The following JAKMIP2 variants were observed in gnomAD, a reference collection of about 807,000 sequenced individuals.
The protein encoded by JAKMIP2 is janus kinase and microtubule-interacting protein 2.
Under a neutral mutation model 115.0 loss-of-function variants are expected in JAKMIP2, and 25 were observed. That is an observed-to-expected ratio of 0.22 (90% CI 0.16 to 0.30). JAKMIP2 has a LOEUF of 0.30. Among genes scored for constraint, JAKMIP2 ranks in the 10% least tolerant of loss-of-function variants. JAKMIP2 has a pLI of 1.00. For synonymous variants in JAKMIP2, 334 were observed against 343.6 expected (o/e 0.97, Z 0.31); for missense variants, 642 against 957.6 (o/e 0.67, Z 4.35).
At chr5:147,694,503 A>C (rs189934833) in intron 1 of JAKMIP2, among the ~76,000 whole-genome samples, 144 of 152,306 alleles carry the variant, frequency 9.5e-4, no homozygotes, top group Admixed American at 7.7e-3. Flanking sequence ...TACAGATCCT[A>C]TAATTGTCTA....
At position 147,649,914 on chromosome 5, in the gene JAKMIP2, A is replaced by T. The variant is rs186833934; in HGVS notation, c.837+424T>A. ...GACAATAAGTCTTCAGATGAAGATT[A>T]AAAATGGTTTTGTCTTTTATGCAGT... is the stretch of plus-strand genomic sequence containing the variant. On this transcript the variant is annotated intron_variant, in intron 4 of 21. Transcript: ENST00000616793. Among the ~76,000 whole-genome samples, 863 of 152,316 alleles carry T rather than the reference A, an allele frequency of 5.7e-3. 9 individuals carry two copies. The highest frequency in any genetic ancestry group is 7.6e-3 in the Non-Finnish European group (520 of 68,028).
chr5:147,691,829 G>A (rs937403942), intron 1 of JAKMIP2, among the ~76,000 whole-genome samples: 5 of 151,926 alleles, frequency 3.3e-5, no homozygotes, highest in South Asian at 2.1e-4. Context: ...GTTAAGCAGC[G>A]CCGTGGGTGA....
At chr5:147,604,281 T>A (rs1755878226) in intron 20 of JAKMIP2, among the ~76,000 whole-genome samples, 1 of 152,214 alleles carries the variant, frequency 6.6e-6, no homozygotes, top group Non-Finnish European at 1.5e-5. Context: ...ATACTTTGGG[T>A]CAGAAATTTT....
At chr5:147,592,236 G>A (rs995170829) in intron 21 of JAKMIP2, among the ~76,000 whole-genome samples, 1 of 152,108 alleles carries the variant, frequency 6.6e-6, no homozygotes, top group Non-Finnish European at 1.5e-5. Context: ...AGTATCTACT[G>A]TTTCTGCAAG....
chr5:147,662,342 C>A (rs1435676707), intron 2 of JAKMIP2, among the ~76,000 whole-genome samples: 1 of 152,128 alleles, frequency 6.6e-6, no homozygotes, highest in African/African-American at 2.4e-5. Flanking sequence ...GCCCCACAAG[C>A]CAACACTCCA....
rs1319877310 is a variant in JAKMIP2, at chr5:147,648,494, T to C, written c.838-20A>G. 2 of 1,345,872 alleles carry C rather than the reference T, an allele frequency of 1.5e-6. No homozygotes were observed. The highest frequency in any genetic ancestry group is 2.3e-5 in the East Asian group (1 of 43,570). 83.4% of individuals were successfully genotyped at this position (1,345,872 alleles called of 1,614,324 possible). A position where few individuals can be genotyped will look rare whatever the true frequency, so the allele number is the denominator to read the frequency against. The stretch of plus-strand genomic sequence containing the variant: ...CAAATCCTACAAAGAAAAATTAAAA[T>C]GGGTATTTCTTCAACAACACTTTTC... On this transcript the variant is annotated intron_variant, in intron 4 of 21. Coordinates refer to ENST00000616793, the MANE Select transcript of JAKMIP2 (RefSeq NM_001270941.2).
chr5:147,628,939 C>T (rs1581318211), intron 15 of JAKMIP2, 123 bp from the exon 16 acceptor site: 2 of 623,208 alleles, frequency 3.2e-6, no homozygotes, highest in East Asian at 5.5e-5. Flanking sequence ...TAACAAATTC[C>T]TATTCTGTTT....
chr5:147,632,435 G>C (rs1757406650), intron 13 of JAKMIP2, among the ~76,000 whole-genome samples: 1 of 152,136 alleles, frequency 6.6e-6, no homozygotes, highest in African/African-American at 2.4e-5. Context: ...AGATAGTAAT[G>C]TTGAAAAGCA....
chr5:147,589,066 A>G lies in JAKMIP2; in HGVS notation c.*2641T>C, dbSNP rs1356532817. The stretch of plus-strand genomic sequence containing the variant: ...TCAAGTTGGCTAGTGTTGGGTCACC[A>G]ACACTGTAGAGGCACCCTCTTTCAC... On this transcript the variant is annotated 3_prime_UTR_variant, in exon 22 of 22. Coordinates refer to ENST00000616793, the MANE Select transcript of JAKMIP2 (RefSeq NM_001270941.2). 1 of 152,096 alleles carries G rather than the reference A, an allele frequency of 6.6e-6. No homozygotes were observed. Among genetic ancestry groups the G allele is most frequent in the Non-Finnish European group, 1.5e-5 (1 of 68,032 alleles). 9.4% of individuals were successfully genotyped at this position (152,096 alleles called of 1,614,324 possible).
At position 147,661,074 on chromosome 5, in the gene JAKMIP2, G is replaced by T; in HGVS notation, c.501C>A (p.Asp167Glu). ...ADLKTAKKQV[D>E]EALSNMIQAD... The stretch of plus-strand genomic sequence containing the variant: ...CTTGGATCATATTGCTCAGAGCCTC[G>T]TCCACCTGCTTCTTGGCCGTTTTCA... Residue 167 changes from aspartate to glutamate, a missense_variant, in exon 3 of 22, where the codon GAC becomes GAA. Physicochemically the swap from Asp to Glu is conservative, Grantham distance 45. Coordinates refer to ENST00000616793, the MANE Select transcript of JAKMIP2 (RefSeq NM_001270941.2). 6.2e-7 allele frequency: 1 copy of T among 1,613,894 alleles called. No individual in the cohort carries two copies.
At position 147,632,850 on chromosome 5, in the gene JAKMIP2, G is replaced by A. The variant is rs565201576; in HGVS notation, c.1678-72C>T. 7.1e-5 allele frequency: 65 copies of A among 917,580 alleles called. No homozygotes were observed. The African/African-American group carries it at 1.0e-3, about 14-fold the overall frequency. 56.8% of individuals were successfully genotyped at this position (917,580 alleles called of 1,614,324 possible). A position where few individuals can be genotyped will look rare whatever the true frequency, so the allele number is the denominator to read the frequency against. Reference sequence around the variant, plus strand: ...TACAACTTTGCAAAGCATGAATAGTGTTCAGTTTACTCAGTGAATAAGTCT... The same window carrying A: ...TACAACTTTGCAAAGCATGAATAGTATTCAGTTTACTCAGTGAATAAGTCT... On this transcript the variant is annotated intron_variant, in intron 12 of 21. Coordinates refer to ENST00000616793, the MANE Select transcript of JAKMIP2 (RefSeq NM_001270941.2).
intron 1 of JAKMIP2, among the ~76,000 whole-genome samples, chr5:147,745,305 A>G (rs1362426701): frequency 6.6e-5 from 10 of 152,220 alleles, no homozygotes; most frequent in Non-Finnish European, 1.3e-4. Context: ...AATAATTTGG[A>G]GAACTCAAGA....
chr5:147,600,420 A>G (rs919283333), intron 21 of JAKMIP2, among the ~76,000 whole-genome samples: 5 of 152,114 alleles, frequency 3.3e-5, no homozygotes, highest in African/African-American at 9.7e-5. Context: ...TTCCATATCC[A>G]GGTAACAGAT....
chr5:147,634,052 C>T (rs1458374592), intron 12 of JAKMIP2, among the ~76,000 whole-genome samples: 1 of 152,072 alleles, frequency 6.6e-6, no homozygotes, highest in East Asian at 1.9e-4. Context: ...TTGAGCTTCC[C>T]TTGATATTAG....
Position 147,685,561 on chromosome 5 carries a change from A to G in JAKMIP2, c.-148-13607T>C, listed in dbSNP as rs1760526367. Among the ~76,000 whole-genome samples, 3 of 152,202 alleles carry G rather than the reference A, an allele frequency of 2.0e-5. No individual in the cohort carries two copies. The South Asian group carries it at 6.2e-4, about 32-fold the overall frequency. ...GCCTATAAGCCCAACTGTACCAGAA[A>G]TACTGTACTAGAAATACTTCAGTTT... is the stretch of plus-strand genomic sequence containing the variant. On this transcript the variant is annotated intron_variant, in intron 1 of 21. Coordinates refer to ENST00000616793, the MANE Select transcript of JAKMIP2 (RefSeq NM_001270941.2).
intron 3 of JAKMIP2, among the ~76,000 whole-genome samples, chr5:147,655,484 G>C (rs1406853511): frequency 6.6e-6 from 1 of 152,192 alleles, no homozygotes; most frequent in African/African-American, 2.4e-5. Flanking sequence ...TAGTTTATTT[G>C]TGTAGAGGCA....
intron 10 of JAKMIP2, among the ~76,000 whole-genome samples, chr5:147,639,113 ATT>A (rs1757760316): frequency 6.6e-6 from 1 of 152,174 alleles, no homozygotes; most frequent in Non-Finnish European, 1.5e-5. Flanking sequence ...GCCATTTACT[ATT>A]TGTGCTATTT....
intron 10 of JAKMIP2, among the ~76,000 whole-genome samples, chr5:147,637,923 T>C (rs1461048903): frequency 2.0e-5 from 3 of 152,098 alleles, no homozygotes; most frequent in Non-Finnish European, 4.4e-5. Flanking sequence ...GTTGTTGTTT[T>C]ACAATCTGGA....
intron 1 of JAKMIP2, among the ~76,000 whole-genome samples, chr5:147,703,206 T>C (rs572101079): frequency 3.6e-4 from 55 of 152,278 alleles, no homozygotes; most frequent in African/African-American, 1.3e-3. Flanking sequence ...AATGTACTTA[T>C]ACAAACCTAT....
Sources: allele counts gnomAD v4.1 joint callset (sites outside exome capture counted in the v4.1 genomes callset), GRCh38; gene constraint gnomAD v4.1.1; transcripts MANE v1.5; gene names NCBI Gene and HGNC (gene_info 2026-07-23, HGNC 2026-07-21).